The following PABPC4L variants were observed in gnomAD, a reference collection of about 807,000 sequenced individuals.
The protein encoded by PABPC4L is polyadenylate-binding protein 4-like.
For synonymous variants in PABPC4L, 169 were observed against 164.1 expected, an observed-to-expected ratio of 1.03 and a Z score of -0.23; for missense variants, 452 against 451.4, an observed-to-expected ratio of 1.00 and a Z score of -0.01.
the PABPC4L span, among the ~76,000 whole-genome samples, chr4:133,961,350 C>CT: frequency 6.7e-6 from 1 of 150,328 alleles, no homozygotes; most frequent in Non-Finnish European, 1.5e-5. Context: ...AGAGACAGGA[C>CT]TAGCTGGATT....
At chr4:134,009,329 T>G in the PABPC4L span, among the ~76,000 whole-genome samples, 2 of 151,994 alleles carry the variant, frequency 1.3e-5, no homozygotes. Flanking sequence ...TCATAATATT[T>G]ACACATTTTA....
the PABPC4L span, among the ~76,000 whole-genome samples, chr4:134,074,179 C>A: frequency 6.6e-6 from 1 of 152,150 alleles, no homozygotes; most frequent in Non-Finnish European, 1.5e-5. Flanking sequence ...GAATGCTTTG[C>A]CACTTAGAAA....
the PABPC4L span, among the ~76,000 whole-genome samples, chr4:134,046,922 T>G: frequency 6.6e-6 from 1 of 152,152 alleles, no homozygotes; most frequent in African/African-American, 2.4e-5. Flanking sequence ...AAAATGGAAT[T>G]TCTTATGTCT....
the PABPC4L span, among the ~76,000 whole-genome samples, chr4:134,026,975 A>AT: frequency 6.6e-6 from 1 of 152,168 alleles, no homozygotes; most frequent in Non-Finnish European, 1.5e-5. Context: ...GCAGAGGGAA[A>AT]AAAAAAATTT....
chr4:134,145,926 A>G, the PABPC4L span, among the ~76,000 whole-genome samples: 1 of 151,984 alleles, frequency 6.6e-6, no homozygotes. Context: ...TATTTTAAAA[A>G]TGGTCCTAAA....
the PABPC4L span, among the ~76,000 whole-genome samples, chr4:134,109,061 C>A: frequency 1.3e-5 from 2 of 151,764 alleles, no homozygotes; most frequent in Middle Eastern, 3.2e-3. Context: ...CTTTATGTAA[C>A]CCTAAACAAT....
chr4:134,175,150 A>G, the PABPC4L span, among the ~76,000 whole-genome samples: 33 of 152,266 alleles, frequency 2.2e-4, no homozygotes, highest in African/African-American at 2.4e-5. Context: ...ACGCATATCC[A>G]TGTCCTTTTA....
At chr4:134,174,411 AC>A in the PABPC4L span, among the ~76,000 whole-genome samples, 1 of 152,156 alleles carries the variant, frequency 6.6e-6, no homozygotes, top group East Asian at 1.9e-4. Flanking sequence ...TATGTGCTAT[AC>A]TTTTACACCA....
chr4:134,198,495 A>G lies in PABPC4L; in HGVS notation c.*1412T>C, dbSNP rs1404536292. 1 of 151,392 alleles carries G rather than the reference A, an allele frequency of 6.6e-6. No individual in the cohort carries two copies. The highest frequency in any genetic ancestry group is 1.9e-4 in the East Asian group (1 of 5,152). 9.4% of individuals were successfully genotyped at this position (151,392 alleles called of 1,614,324 possible). A position where few individuals can be genotyped will look rare whatever the true frequency, so the allele number is the denominator to read the frequency against. On this transcript the variant is annotated 3_prime_UTR_variant, in exon 2 of 2. Coordinates refer to ENST00000421491, the MANE Select transcript of PABPC4L (RefSeq NM_001114734.2). ...AAAAATATTTTACTATTTCTTTTATATTAGTAATATATGAAATAGAGAATG... is the reference window on the plus strand; with the variant it reads ...AAAAATATTTTACTATTTCTTTTATGTTAGTAATATATGAAATAGAGAATG...
the PABPC4L span, among the ~76,000 whole-genome samples, chr4:134,139,168 T>A: frequency 4.5e-3 from 684 of 152,062 alleles, 8 homozygotes; most frequent in African/African-American, 0.016. Context: ...TTTAGTTAGC[T>A]TTGAAAATAT....
the PABPC4L span, among the ~76,000 whole-genome samples, chr4:134,140,763 A>T: frequency 6.6e-6 from 1 of 151,876 alleles, no homozygotes; most frequent in African/African-American, 2.4e-5. Context: ...AGTTTTGACT[A>T]GTTTGATTAT....
At chr4:134,079,321 C>T in the PABPC4L span, among the ~76,000 whole-genome samples, 1 of 151,100 alleles carries the variant, frequency 6.6e-6, no homozygotes, top group African/African-American at 2.4e-5. Flanking sequence ...GTGGCTCACG[C>T]CTGTAATTCC....
At chr4:134,045,717 T>C in the PABPC4L span, among the ~76,000 whole-genome samples, 2 of 152,280 alleles carry the variant, frequency 1.3e-5, no homozygotes, top group Non-Finnish European at 2.9e-5. Flanking sequence ...TCCTACTTAC[T>C]ACTATCCTCT....
At chr4:134,154,460 A>G in the PABPC4L span, among the ~76,000 whole-genome samples, 1 of 151,936 alleles carries the variant, frequency 6.6e-6, no homozygotes, top group Non-Finnish European at 1.5e-5. Context: ...TGTTTAAAAA[A>G]TAAATAAATA....
At chr4:134,177,464 G>A in the PABPC4L span, among the ~76,000 whole-genome samples, 1 of 152,028 alleles carries the variant, frequency 6.6e-6, no homozygotes, top group African/African-American at 2.4e-5. Context: ...ATGAGCCACC[G>A]TGCCCAACCC....
At chr4:134,119,015 G>A in the PABPC4L span, among the ~76,000 whole-genome samples, 1 of 151,708 alleles carries the variant, frequency 6.6e-6, no homozygotes, top group Non-Finnish European at 1.5e-5. Flanking sequence ...ACATATAAAT[G>A]CAATATTTGT....
the PABPC4L span, among the ~76,000 whole-genome samples, chr4:134,041,538 G>A: frequency 1.1e-4 from 16 of 152,080 alleles, 1 homozygote; most frequent in Middle Eastern, 6.8e-3. Context: ...GAGAACACAT[G>A]GATGTGGGGG....
chr4:133,970,039 T>A, the PABPC4L span, among the ~76,000 whole-genome samples: 82 of 146,258 alleles, frequency 5.6e-4, no homozygotes, highest in East Asian at 5.5e-3. Context: ...ATATATATAT[T>A]TATTTATTTA....
the PABPC4L span, among the ~76,000 whole-genome samples, chr4:134,063,436 C>A: frequency 6.6e-6 from 1 of 151,910 alleles, no homozygotes; most frequent in Non-Finnish European, 1.5e-5. Flanking sequence ...GCCAGGGCAC[C>A]GTATGCTGAG....
Sources: allele counts gnomAD v4.1 joint callset (sites outside exome capture counted in the v4.1 genomes callset), GRCh38; gene constraint gnomAD v4.1.1; transcripts MANE v1.5; gene names NCBI Gene and HGNC (gene_info 2026-07-23, HGNC 2026-07-21).